The following WAC variants were observed in gnomAD, a reference collection of about 807,000 sequenced individuals.
The protein encoded by WAC is WW domain-containing adapter protein with coiled-coil.
In WAC, 11 loss-of-function variants were observed where a neutral mutation model predicts 79.6. The observed-to-expected ratio is 0.14, with a 90% CI of 0.09 to 0.23. The LOEUF (loss-of-function observed/expected upper bound fraction) is 0.23. Ranked by LOEUF, WAC falls within the 10% of genes least tolerant of loss-of-function variation. The pLI, the probability that WAC is intolerant of heterozygous loss-of-function variation, is 1.00. For synonymous variants in WAC, 304 were observed against 276.9 expected (o/e 1.10, Z -0.97); for missense variants, 728 against 773.5 (o/e 0.94, Z 0.70).
chr10:28,572,136 A>T (rs1839005320), intron 3 of WAC, among the ~76,000 whole-genome samples: 1 of 151,440 alleles, frequency 6.6e-6, no homozygotes, highest in South Asian at 2.1e-4. Context: ...TAGGAGTTCA[A>T]GACCAGCCTG....
intron 1 of WAC, 36 bp from the exon 2 acceptor site, chr10:28,533,962 T>C: frequency 5.0e-6 from 8 of 1,604,048 alleles, no homozygotes; most frequent in Non-Finnish European, 6.8e-6. Context: ...ACCCGCGCCG[T>C]GTCTTATGTC....
intron 3 of WAC, among the ~76,000 whole-genome samples, chr10:28,552,658 A>G (rs1227096685): frequency 6.6e-6 from 1 of 152,130 alleles, no homozygotes; most frequent in Non-Finnish European, 1.5e-5. Context: ...AATGTGTATG[A>G]GGAATTTCCT....
intron 3 of WAC, among the ~76,000 whole-genome samples, chr10:28,553,960 C>T (rs2132441358): frequency 6.6e-6 from 1 of 152,228 alleles, no homozygotes; most frequent in South Asian, 2.1e-4. Flanking sequence ...CCTCCACCTC[C>T]CAGGTTCAGG....
intron 3 of WAC, among the ~76,000 whole-genome samples, chr10:28,547,254 G>C (rs775000970): frequency 1.3e-5 from 2 of 152,036 alleles, no homozygotes; most frequent in Non-Finnish European, 2.9e-5. Flanking sequence ...CGGACTTTTG[G>C]CCAGGTGCGG....
chr10:28,570,946 C>CGT (rs1838920479), intron 3 of WAC, among the ~76,000 whole-genome samples: 1 of 64,506 alleles, frequency 1.6e-5, no homozygotes, highest in Non-Finnish European at 2.7e-5. Flanking sequence ...TAAAGATATA[C>CGT]TTTTTTTTTT....
chr10:28,605,596 C>T (rs965533026), intron 7 of WAC, among the ~76,000 whole-genome samples: 3 of 152,094 alleles, frequency 2.0e-5, no homozygotes, highest in Admixed American at 1.3e-4. Flanking sequence ...GAAGTCTATC[C>T]TTGGGGTAAA....
intron 2 of WAC, among the ~76,000 whole-genome samples, chr10:28,534,824 A>T (rs1017931676): frequency 6.6e-6 from 1 of 152,246 alleles, no homozygotes; most frequent in East Asian, 1.9e-4. Flanking sequence ...CTGTCTTCTG[A>T]TATGTAAAAC....
intron 7 of WAC, among the ~76,000 whole-genome samples, chr10:28,607,527 GGTT>G (rs1314654229): frequency 7.9e-5 from 12 of 152,164 alleles, no homozygotes; most frequent in Middle Eastern, 3.4e-3. Context: ...CTATGAGGTG[GGTT>G]GTTTTTAATA....
intron 8 of WAC, chr10:28,608,673 T>G (rs554047599): frequency 4.2e-6 from 2 of 477,320 alleles, no homozygotes; most frequent in South Asian, 5.1e-5. Flanking sequence ...ATACTTGTTA[T>G]GTGTCTGGTA....
intron 7 of WAC, among the ~76,000 whole-genome samples, chr10:28,605,215 T>G (rs1840880499): frequency 6.6e-6 from 1 of 152,220 alleles, no homozygotes; most frequent in Admixed American, 6.5e-5. Flanking sequence ...TTGCTTTATG[T>G]TTTTCTTTTG....
At position 28,611,945 on chromosome 10, in the gene WAC, T is replaced by G. The variant is rs368900031; in HGVS notation, c.1437+23T>G. ...AAGGTATGTCACCTTTGAGGGACAT[T>G]CGGAAAAGAAACTACTTACTTTTGG... On this transcript the variant is annotated intron_variant, in intron 10 of 13. Transcript: ENST00000354911. 11 of 1,599,576 alleles carry G rather than the reference T, an allele frequency of 6.9e-6. No homozygotes were observed. In the African/African-American group the frequency reaches 1.5e-4, roughly 22 times the overall value.
intron 1 of WAC, 106 bp from the exon 2 acceptor site, chr10:28,533,892 C>T (rs1836446438): frequency 7.2e-6 from 10 of 1,389,378 alleles, no homozygotes; most frequent in Middle Eastern, 2.6e-4. Flanking sequence ...CTGGGGCGCT[C>T]GGTAGGTCTC....
Position 28,608,286 on chromosome 10 carries a change from T to C in WAC, c.1020T>C (p.Ala340=), listed in dbSNP as rs1841057379. The C allele has an allele frequency of 1.2e-6, 2 of 1,614,110 alleles. No homozygotes were observed. The highest frequency in any genetic ancestry group is 8.5e-7 in the Non-Finnish European group (1 of 1,180,040). Reference sequence around the variant, plus strand: ...CCACATCTGCACCTCCAACATCTGCTTCAGCGGTCCCTGTTTCTCCTGTTC... The same window carrying C: ...CCACATCTGCACCTCCAACATCTGCCTCAGCGGTCCCTGTTTCTCCTGTTC... The part of the protein sequence containing the change: ...LNPTSAPPTS[A]SAVPVSPVPQ... Residue 340 remains alanine, a synonymous_variant, in exon 8 of 14, where the codon GCT becomes GCC. Transcript: ENST00000354911.
intron 3 of WAC, among the ~76,000 whole-genome samples, chr10:28,552,038 C>T (rs1202590408): frequency 1.3e-5 from 2 of 152,116 alleles, no homozygotes; most frequent in Non-Finnish European, 2.9e-5. Flanking sequence ...GTCTCAAACT[C>T]CTGACCTCAG....
At chr10:28,546,317 T>TGCATTATTA (rs1366372842) in intron 3 of WAC, among the ~76,000 whole-genome samples, 1 of 152,240 alleles carries the variant, frequency 6.6e-6, no homozygotes, top group East Asian at 1.9e-4. Context: ...CTGCATTTAA[T>TGCATTATTA]AATTTGTTCT....
intron 3 of WAC, among the ~76,000 whole-genome samples, chr10:28,559,840 T>C (rs1838206183): frequency 6.6e-6 from 1 of 152,216 alleles, no homozygotes; most frequent in Admixed American, 6.5e-5. Context: ...ATTGCCTCTC[T>C]GGGCCTGATG....
intron 3 of WAC, among the ~76,000 whole-genome samples, chr10:28,539,176 A>G (rs952317541): frequency 2.6e-4 from 40 of 152,248 alleles, no homozygotes; most frequent in African/African-American, 9.4e-4. Flanking sequence ...GCATCACAGC[A>G]TTTTTCAGTA....
At chr10:28,541,374 A>G (rs892450323) in intron 3 of WAC, among the ~76,000 whole-genome samples, 7 of 143,086 alleles carry the variant, frequency 4.9e-5, no homozygotes, top group African/African-American at 7.8e-5. Context: ...TGTCAATTTG[A>G]TAATTACAAA....
chr10:28,572,207 G>A (rs191384787), intron 3 of WAC, among the ~76,000 whole-genome samples: 1 of 151,902 alleles, frequency 6.6e-6, no homozygotes, highest in African/African-American at 2.4e-5. Context: ...CTTGGTGGCA[G>A]GTGCATGTAA....
Sources: allele counts gnomAD v4.1 joint callset (sites outside exome capture counted in the v4.1 genomes callset), GRCh38; gene constraint gnomAD v4.1.1; transcripts MANE v1.5; gene names NCBI Gene and HGNC (gene_info 2026-07-23, HGNC 2026-07-21).